SLC52A3: variants seen among roughly 807,000 people sequenced by gnomAD.
The protein encoded by SLC52A3 is solute carrier family 52, riboflavin transporter, member 3.
A neutral mutation model predicts 29.5 loss-of-function variants in SLC52A3; 20 were observed. The observed-to-expected ratio is 0.68, with a 90% CI of 0.48 to 0.99. The LOEUF is 0.99. Among genes scored for constraint, SLC52A3 ranks in the 50% least tolerant of loss-of-function variants. The pLI, the probability that SLC52A3 is intolerant of heterozygous loss-of-function variation, is 0.00. For synonymous variants in SLC52A3, 301 were observed against 271.0 expected (o/e 1.11, Z -1.09); for missense variants, 548 against 612.9 (o/e 0.89, Z 1.12).
upstream of SLC52A3, among the ~76,000 whole-genome samples, chr20:770,438 G>A (rs894493359): frequency 2.6e-5 from 4 of 152,188 alleles, no homozygotes; most frequent in Non-Finnish European, 2.9e-5. This position sits in a 1 kb window ranked among gnomAD's most constrained non-coding sequence, Gnocchi z 4.5. Context: ...GATTGCAGGC[G>A]TGAGCCACCA....
chr20:778,225 G>C (rs539805116), upstream of SLC52A3, among the ~76,000 whole-genome samples: 37 of 152,212 alleles, frequency 2.4e-4, no homozygotes, highest in East Asian at 7.0e-3. Context: ...ATGTTGGCCA[G>C]GCTGGTCCCG....
rs761224042 is a variant in SLC52A3, at chr20:761,102, A to C, written c.1334T>G (p.Leu445Arg). The change falls in exon 5 of 5, where the codon CTG becomes CGG. Residue 445 changes from leucine to arginine, a missense_variant. Around this residue, in one of 2 missense-constraint regions of SLC52A3, gnomAD observed 173 missense variants for 141.8 expected, o/e 1.22. Coordinates refer to ENST00000645534, the MANE Select transcript of SLC52A3 (RefSeq NM_033409.4). ...CACGTTGACCAGAGGGAACATGAGC[A>C]GCGCTCCGAGCAGCGAGCCCAGCTG... ...AVQLGSLLGA[L>R]LMFPLVNVLR... 1.9e-6 allele frequency: 3 copies of C among 1,606,822 alleles called. No homozygotes were observed. Among genetic ancestry groups the C allele is most frequent in the East Asian group, 2.2e-5 (1 of 44,482 alleles).
At chr20:769,595 T>C (rs1042390098), upstream of SLC52A3, among the ~76,000 whole-genome samples, 2 of 152,194 alleles carry the variant, frequency 1.3e-5, no homozygotes, top group African/African-American at 4.8e-5. Flanking sequence ...ATCAGTTGCA[T>C]TCAAAAACAT....
At chr20:779,238 C>T (rs1004301312), upstream of SLC52A3, among the ~76,000 whole-genome samples, 4 of 152,038 alleles carry the variant, frequency 2.6e-5, no homozygotes, top group South Asian at 2.1e-4. Context: ...ATGTTTACAA[C>T]GAGTCAGAAA....
intron 1 of SLC52A3, among the ~76,000 whole-genome samples, chr20:766,643 C>T (rs1189983372): frequency 1.3e-5 from 2 of 152,066 alleles, no homozygotes; most frequent in Non-Finnish European, 2.9e-5. Flanking sequence ...TAATTTTCCA[C>T]TACCTACCCA....
chr20:773,494 A>AG (rs1032812652), upstream of SLC52A3, among the ~76,000 whole-genome samples: 4 of 152,218 alleles, frequency 2.6e-5, no homozygotes, highest in South Asian at 4.2e-4. Context: ...CTCAGGGTGA[A>AG]GGGGTTCTGA....
chr20:778,013 C>CTTT (rs71191974), upstream of SLC52A3, among the ~76,000 whole-genome samples: 1 of 134,336 alleles, frequency 7.4e-6, no homozygotes. Context: ...TAGAGACTTT[C>CTTT]TTTTTTTTTT....
In SLC52A3 at chr20:765,764, A is replaced by G. The variant is rs1180026944; in HGVS notation, c.11T>C (p.Leu4Pro). The change falls in exon 2 of 5, where the codon CTG (leucine) becomes CCG (proline). Residue 4 changes from leucine to proline, a missense_variant. Transcript: ENST00000645534. The surrounding 1 kb of genome is among the most constrained non-coding windows in gnomAD (Gnocchi z 6.6). MAF[L>P]MHLLVCVFGM... is the part of the protein sequence containing the mutation. The stretch of plus-strand genomic sequence containing the variant: ...GAAGACGCAGACCAGCAGGTGCATC[A>G]GGAAGGCCATGGCGGTATCTGCCCT... 6.2e-7 allele frequency: 1 copy of G among 1,601,618 alleles called. No individual in the cohort carries two copies. Among genetic ancestry groups the G allele is most frequent in the Non-Finnish European group, 8.5e-7 (1 of 1,175,378 alleles).
At chr20:771,669 G>T (rs557900614), upstream of SLC52A3, among the ~76,000 whole-genome samples, 704 of 128,616 alleles carry the variant, frequency 5.5e-3, 13 homozygotes, top group African/African-American at 0.02. Flanking sequence ...GCAGAGATAT[G>T]AAAAAAAAAA....
Position 765,636 on chromosome 20 carries a change from C to T in SLC52A3, c.139G>A (p.Val47Ile), listed in dbSNP as rs1470453662. The T allele has an allele frequency of 6.2e-6, 10 of 1,608,998 alleles. No individual in the cohort carries two copies. The highest frequency in any genetic ancestry group is 1.1e-5 in the South Asian group (1 of 89,786). The change falls in exon 2 of 5, where the codon GTC (valine) becomes ATC (isoleucine). Residue 47 changes from valine to isoleucine, a missense_variant. Val to Ile is a conservative substitution (Grantham distance 29). Around this residue, in one of 2 missense-constraint regions of SLC52A3, gnomAD observed 375 missense variants for 471.1 expected, o/e 0.80. Transcript: ENST00000645534. This position sits in a 1 kb window ranked among gnomAD's most constrained non-coding sequence, Gnocchi z 6.6. ...GWYLPSYLTV[V>I]IQLANIGPLL... ...GGCCCGATGTTGGCCAGCTGGATGA[C>T]CACCGTGAGGTAGGAGGGCAGGTAC...
chr20:765,130 T>G lies in SLC52A3; in HGVS notation c.567+78A>C. ...AGGCCGACCAAAGAACCTAGAAGGA[T>G]GGAGGTGAGCAGTTTTTCCCTCCCC... On this transcript the variant is annotated intron_variant, in intron 2 of 4. Transcript: ENST00000645534. The surrounding 1 kb of genome is among the most constrained non-coding windows in gnomAD (Gnocchi z 6.6). 1 of 1,512,032 alleles carries G rather than the reference T, an allele frequency of 6.6e-7. No individual in the cohort carries two copies. The highest frequency in any genetic ancestry group is 9.2e-7 in the Non-Finnish European group (1 of 1,090,590). The allele number at this position is 1,512,032 out of a possible 1,614,324, so 93.7% of individuals were successfully genotyped here.
chr20:761,291 G>T (rs1986466409), intron 4 of SLC52A3, 53 bp from the exon 5 acceptor site: 3 of 1,489,828 alleles, frequency 2.0e-6, no homozygotes, highest in East Asian at 5.0e-5. Flanking sequence ...CGGGGCGAGC[G>T]CCGGAGCAAA....
intron 1 of SLC52A3, among the ~76,000 whole-genome samples, chr20:773,826 G>A (rs1299330276): frequency 1.3e-5 from 2 of 152,200 alleles, no homozygotes; most frequent in African/African-American, 4.8e-5. Context: ...AGAAAGTGAA[G>A]AGAATTGGGA....
chr20:774,773 A>G (rs1986960516), intron 1 of SLC52A3, among the ~76,000 whole-genome samples: 2 of 152,102 alleles, frequency 1.3e-5, no homozygotes. Flanking sequence ...ACTCATCCCA[A>G]CTCAATGTCC....
upstream of SLC52A3, among the ~76,000 whole-genome samples, chr20:771,669 G>GAA (rs10624782): frequency 0.17 from 21,459 of 128,422 alleles, 2,282 homozygotes; most frequent in East Asian, 0.52. Flanking sequence ...GCAGAGATAT[G>GAA]AAAAAAAAAA....
chr20:770,641 T>C (rs190263351), upstream of SLC52A3, among the ~76,000 whole-genome samples: 232 of 152,354 alleles, frequency 1.5e-3, 1 homozygote, highest in Non-Finnish European at 2.9e-3. This position sits in a 1 kb window ranked among gnomAD's most constrained non-coding sequence, Gnocchi z 4.5. Context: ...GATTTGCTAT[T>C]TTCAGCGATC....
chr20:768,520 CA>C (rs993554589), upstream of SLC52A3: 6 of 152,320 alleles, frequency 3.9e-5, no homozygotes, highest in African/African-American at 1.4e-4. Context: ...GGCCACGCCT[CA>C]CCCAGGAAAC....
At chr20:761,862 C>T in intron 3 of SLC52A3, 38 bp from the exon 4 acceptor site, 2 of 1,613,858 alleles carry the variant, frequency 1.2e-6, no homozygotes, top group Middle Eastern at 1.7e-4. Context: ...AGGTGAGAAG[C>T]CTGACCTCTG....
At chr20:761,340 T>G (rs1986468321) in intron 4 of SLC52A3, 102 bp from the exon 5 acceptor site, 4 of 1,288,980 alleles carry the variant, frequency 3.1e-6, no homozygotes, top group Admixed American at 5.0e-5. Flanking sequence ...CGGAATACTC[T>G]CTAGGTGCGA....
Sources: gnomAD v4.1 joint callset for allele counts (sites outside exome capture counted in the v4.1 genomes callset) on GRCh38, gnomAD v4.1.1 for gene constraint, gnomAD v4.1.1 regional missense constraint, Gnocchi (gnomAD v3.1) non-coding constraint, MANE v1.5 for transcripts, NCBI Gene and HGNC (gene_info 2026-07-23, HGNC 2026-07-21) for gene names.